Variants in TTLL9 observed in about 807,000 individuals in gnomAD.
TTLL9 encodes probable tubulin polyglutamylase TTLL9.
A neutral mutation model predicts 65.6 loss-of-function variants in TTLL9; 47 were observed. The ratio of observed to expected loss-of-function variants is 0.72; its 90% CI spans 0.57 to 0.91. The LOEUF is 0.91. Among genes scored for constraint, TTLL9 ranks in the 40% least tolerant of loss-of-function variants. The pLI, the probability that TTLL9 is intolerant of heterozygous loss-of-function variation, is 0.00. For missense variants in TTLL9, 537 were observed against 568.8 expected (o/e 0.94, Z 0.57); for synonymous variants, 179 against 204.8 (o/e 0.87, Z 1.07).
intron 6 of TTLL9, among the ~76,000 whole-genome samples, chr20:31,918,928 A>C (rs1297380757): frequency 2.0e-5 from 3 of 152,268 alleles, no homozygotes; most frequent in Middle Eastern, 3.4e-3. Flanking sequence ...CTCTTTGTGC[A>C]GTAGACAACC....
At chr20:31,911,226 G>A (rs898396970) in intron 6 of TTLL9, among the ~76,000 whole-genome samples, 6 of 152,018 alleles carry the variant, frequency 3.9e-5, no homozygotes, top group Non-Finnish European at 5.9e-5. Context: ...GGACAACAGC[G>A]CACCTACCAA....
intron 4 of TTLL9, among the ~76,000 whole-genome samples, chr20:31,899,131 G>A (rs2063432615): frequency 6.6e-6 from 1 of 152,238 alleles, no homozygotes; most frequent in African/African-American, 2.4e-5. Context: ...AAGAGGCTTC[G>A]ACATGCTAGA....
chr20:31,884,419 G>A (rs952401353), intron 2 of TTLL9, among the ~76,000 whole-genome samples: 1 of 152,058 alleles, frequency 6.6e-6, no homozygotes, highest in Non-Finnish European at 1.5e-5. Context: ...TAGAGATGGG[G>A]TTTCACCATG....
chr20:31,941,828 T>C (rs373661456), intron 14 of TTLL9, among the ~76,000 whole-genome samples: 1 of 152,214 alleles, frequency 6.6e-6, no homozygotes, highest in African/African-American at 2.4e-5. Flanking sequence ...GAATTATTCC[T>C]GTTTCAAGTG....
At chr20:31,883,755 A>G (rs2063150967) in intron 2 of TTLL9, among the ~76,000 whole-genome samples, 1 of 152,070 alleles carries the variant, frequency 6.6e-6, no homozygotes, top group Admixed American at 6.6e-5. Flanking sequence ...TTCATGATAA[A>G]CCCTCAGAAA....
Position 31,943,231 on chromosome 20 carries a change from G to C in TTLL9, c.*210G>C. 1 of 599,970 alleles carries C rather than the reference G, an allele frequency of 1.7e-6. No homozygotes were observed. The highest frequency in any genetic ancestry group is 3.0e-6 in the Non-Finnish European group (1 of 335,250). 37.2% of individuals were successfully genotyped at this position (599,970 alleles called of 1,614,324 possible). A position where few individuals can be genotyped will look rare whatever the true frequency, so the allele number is the denominator to read the frequency against. On this transcript the variant is annotated 3_prime_UTR_variant, in exon 15 of 15. Transcript: ENST00000535842. Reference sequence around the variant, plus strand: ...CCAGGCATCTTTGCACCAGGAGACAGCCAATCACTGGGACTGGGGGAGGTT... The same window carrying C: ...CCAGGCATCTTTGCACCAGGAGACACCCAATCACTGGGACTGGGGGAGGTT...
At chr20:31,912,297 A>G (rs1159216752) in intron 6 of TTLL9, among the ~76,000 whole-genome samples, 4 of 152,210 alleles carry the variant, frequency 2.6e-5, no homozygotes, top group African/African-American at 9.6e-5. Flanking sequence ...AGTGCAATGC[A>G]GAGCCTGATT....
At chr20:31,942,325 C>G (rs903691026) in intron 14 of TTLL9, among the ~76,000 whole-genome samples, 15 of 152,290 alleles carry the variant, frequency 9.8e-5, no homozygotes, top group African/African-American at 3.6e-4. Flanking sequence ...CTGGGAGAGA[C>G]GTCTCAGCAG....
At chr20:31,891,545 G>T (rs543027983) in intron 3 of TTLL9, among the ~76,000 whole-genome samples, 5 of 148,690 alleles carry the variant, frequency 3.4e-5, no homozygotes, top group Admixed American at 6.7e-5. Context: ...TTGCTATGTT[G>T]CTCTGGCTGG....
In TTLL9 at chr20:31,927,957, C is replaced by T. The variant is rs894413651; in HGVS notation, c.748+1866C>T. ...AATTTGTTTTTTTCTATTTTGCCAA[C>T]GTCAGCACTTCCAGTACGTTCATTT... On this transcript the variant is annotated intron_variant, in intron 10 of 14. Coordinates refer to ENST00000535842, the MANE Select transcript of TTLL9 (RefSeq NM_001008409.5). Among the ~76,000 whole-genome samples the T allele has an allele frequency of 3.9e-5, 6 of 151,940 alleles. No individual in the cohort carries two copies. In the East Asian group the frequency reaches 1.2e-3, roughly 29 times the overall value.
intron 11 of TTLL9, 187 bp from the exon 12 acceptor site, chr20:31,934,505 T>C (rs2064074894): frequency 1.5e-6 from 1 of 672,330 alleles, no homozygotes; most frequent in Admixed American, 2.2e-5. Context: ...GCCAGTCCTC[T>C]TAGACATGAA....
At chr20:31,893,066 C>T (rs1024114072) in intron 3 of TTLL9, among the ~76,000 whole-genome samples, 2 of 151,914 alleles carry the variant, frequency 1.3e-5, no homozygotes, top group Admixed American at 1.3e-4. Context: ...TCCTGCAGCC[C>T]GAGGAACGTT....
chr20:31,943,877 A>G lies in TTLL9; in HGVS notation c.*856A>G, dbSNP rs1301780435. ...AAAAATCTGCCTTTTCACATCTTACATTGCTAAGCTTCCTCTTGGTTTAAG... is the reference window on the plus strand; with the variant it reads ...AAAAATCTGCCTTTTCACATCTTACGTTGCTAAGCTTCCTCTTGGTTTAAG... On this transcript the variant is annotated 3_prime_UTR_variant, in exon 15 of 15. Coordinates refer to ENST00000535842, the MANE Select transcript of TTLL9 (RefSeq NM_001008409.5). 4.4e-6 allele frequency: 2 copies of G among 455,824 alleles called. No individual in the cohort carries two copies. Among genetic ancestry groups the G allele is most frequent in the Non-Finnish European group, 8.8e-6 (2 of 226,692 alleles). The allele number at this position is 455,824 out of a possible 1,614,324, so 28.2% of individuals were successfully genotyped here. A position where few individuals can be genotyped will look rare whatever the true frequency, so the allele number is the denominator to read the frequency against.
intron 3 of TTLL9, among the ~76,000 whole-genome samples, chr20:31,896,496 T>A (rs1284826457): frequency 6.6e-6 from 1 of 152,204 alleles, no homozygotes; most frequent in Admixed American, 6.5e-5. Flanking sequence ...TCCATTTTAG[T>A]CTGTTAATAT....
At chr20:31,918,842 A>G (rs950144610) in intron 6 of TTLL9, among the ~76,000 whole-genome samples, 2 of 152,210 alleles carry the variant, frequency 1.3e-5, no homozygotes, top group Non-Finnish European at 2.9e-5. Context: ...AGTGCTCCAT[A>G]GAGTTTTTGG....
At chr20:31,928,419 T>C (rs2063946006) in intron 10 of TTLL9, among the ~76,000 whole-genome samples, 1 of 152,030 alleles carries the variant, frequency 6.6e-6, no homozygotes, top group Non-Finnish European at 1.5e-5. Context: ...TTTTACCACA[T>C]TCGCATCAGA....
At chr20:31,920,229 G>A (rs74889372) in intron 7 of TTLL9, among the ~76,000 whole-genome samples, 3,282 of 150,514 alleles carry the variant, frequency 0.022, 108 homozygotes, top group African/African-American at 0.076. Context: ...GCAAACACGC[G>A]CACACACACA....
intron 2 of TTLL9, among the ~76,000 whole-genome samples, chr20:31,880,884 T>G (rs2063109787): frequency 7.0e-6 from 1 of 143,042 alleles, no homozygotes; most frequent in Non-Finnish European, 1.5e-5. Context: ...AGACAAGGTC[T>G]TACTTGGTTG....
At chr20:31,925,703 G>A (rs971467492) in intron 9 of TTLL9, among the ~76,000 whole-genome samples, 1 of 152,148 alleles carries the variant, frequency 6.6e-6, no homozygotes, top group Non-Finnish European at 1.5e-5. Context: ...GGAAAGGAGG[G>A]GATAGAATCA....
Sources: allele counts gnomAD v4.1 joint callset (sites outside exome capture counted in the v4.1 genomes callset), GRCh38; gene constraint gnomAD v4.1.1; transcripts MANE v1.5; gene names NCBI Gene and HGNC (gene_info 2026-07-23, HGNC 2026-07-21).